Variants in PCDH15 observed in about 807,000 individuals in gnomAD.
PCDH15 encodes the protein protocadherin-15.
Under a neutral mutation model 178.5 loss-of-function variants are expected in PCDH15, and 129 were observed. That is an observed-to-expected ratio of 0.72 (90% CI 0.63 to 0.84). PCDH15 has a LOEUF of 0.84. PCDH15 is among the 40% of genes least tolerant of loss of function. PCDH15 has a pLI of 0.00. For synonymous variants in PCDH15, 800 were observed against 732.0 expected (o/e 1.09, Z -1.50); for missense variants, 2,230 against 2,099.9 (o/e 1.06, Z -1.21).
At chr10:54,351,953 T>G (rs2583031) in intron 5 of PCDH15, among the ~76,000 whole-genome samples, 17,487 of 152,146 alleles carry the variant, frequency 0.11, 1,795 homozygotes, top group African/African-American at 0.28. Flanking sequence ...TGGTATGCTG[T>G]TCACTTGGAA....
intron 3 of PCDH15, among the ~76,000 whole-genome samples, chr10:54,834,115 C>T (rs1482331124): frequency 6.6e-6 from 1 of 151,996 alleles, no homozygotes; most frequent in Non-Finnish European, 1.5e-5. Flanking sequence ...ATGCTAAATA[C>T]TGGAATGGAC....
intron 26 of PCDH15, among the ~76,000 whole-genome samples, chr10:53,872,798 T>G (rs1462730137): frequency 6.6e-6 from 1 of 152,200 alleles, no homozygotes; most frequent in African/African-American, 2.4e-5. Flanking sequence ...ATAAGGAAGC[T>G]CTAATTCCCA....
intron 3 of PCDH15, among the ~76,000 whole-genome samples, chr10:54,453,584 A>G (rs1036182414): frequency 6.6e-6 from 1 of 152,012 alleles, no homozygotes; most frequent in Non-Finnish European, 1.5e-5. Context: ...CAGCACACCA[A>G]CATGGCACAT....
intron 26 of PCDH15, among the ~76,000 whole-genome samples, chr10:53,867,760 G>A (rs1302927210): frequency 3.3e-5 from 5 of 152,088 alleles, no homozygotes; most frequent in Admixed American, 2.6e-4. Context: ...AAAATATCTC[G>A]AATGAAATAA....
chr10:55,344,114 A>T (rs1844677067), intron 2 of PCDH15, among the ~76,000 whole-genome samples: 1 of 152,128 alleles, frequency 6.6e-6, no homozygotes, highest in Non-Finnish European at 1.5e-5. Context: ...CCTTACAGGA[A>T]GAATGAGATG....
chr10:54,022,907 G>A lies in PCDH15; in HGVS notation c.2511C>T (p.Thr837=), dbSNP rs1358491828. 1.2e-6 allele frequency: 2 copies of A among 1,613,782 alleles called. No individual in the cohort carries two copies. Among genetic ancestry groups the A allele is most frequent in the South Asian group, 1.1e-5 (1 of 91,072 alleles). ...TCCCACACACCTCTATTTGAAGGAT[G>A]GTAGTCCCAGCTGGCAAATTCTCTT... ...LVEENLPAGT[T]ILQIEAKDVD... Residue 837 remains threonine, a synonymous_variant, in exon 19 of 38, where the codon ACC becomes ACT. Transcript: ENST00000644397.
At chr10:54,756,206 C>T (rs1048232273) in intron 1 of PCDH15, among the ~76,000 whole-genome samples, 3 of 151,848 alleles carry the variant, frequency 2.0e-5, no homozygotes, top group Admixed American at 1.3e-4. Context: ...GCCGAGATCA[C>T]GCCATTGCAC....
At position 54,521,034 on chromosome 10, in the gene PCDH15, G is replaced by A. The variant is rs556782559; in HGVS notation, c.157+6778C>T. On this transcript the variant is annotated intron_variant, in intron 3 of 37. Transcript: ENST00000644397. The stretch of plus-strand genomic sequence containing the variant: ...CAATGAGAACACATGGACACAGGAA[G>A]GGGAACATCACATTCTGGGGACTGT... Among the ~76,000 whole-genome samples the A allele has an allele frequency of 8.7e-4, 123 of 141,570 alleles. 1 individual carries two copies. The highest frequency in any genetic ancestry group is 3.1e-3 in the African/African-American group (118 of 37,972). 92.9% of individuals were successfully genotyped at this position (141,570 alleles called of 152,430 possible). A position where few individuals can be genotyped will look rare whatever the true frequency, so the allele number is the denominator to read the frequency against.
At chr10:54,252,802 C>T (rs191713271) in intron 8 of PCDH15, among the ~76,000 whole-genome samples, 13 of 151,468 alleles carry the variant, frequency 8.6e-5, no homozygotes, top group Admixed American at 3.3e-4. Flanking sequence ...TAACATTAGA[C>T]GGCCTTGCAG....
intron 26 of PCDH15, among the ~76,000 whole-genome samples, chr10:53,892,998 C>T (rs767792577): frequency 1.1e-4 from 16 of 151,216 alleles, no homozygotes; most frequent in Non-Finnish European, 1.9e-4. Context: ...AGAGAGTAAA[C>T]GTAAAATATA....
chr10:54,965,502 T>C (rs766730373), intron 2 of PCDH15, among the ~76,000 whole-genome samples: 4 of 152,004 alleles, frequency 2.6e-5, no homozygotes, highest in Non-Finnish European at 5.9e-5. Flanking sequence ...CATGTGAAAC[T>C]GTGAATCCAT....
chr10:54,063,693 C>T (rs144444360), intron 18 of PCDH15, among the ~76,000 whole-genome samples: 22 of 152,288 alleles, frequency 1.4e-4, no homozygotes, highest in African/African-American at 5.1e-4. Flanking sequence ...GGGCTAAATC[C>T]GACACTTTGC....
chr10:54,607,914 G>T (rs374027589), intron 2 of PCDH15: 1 of 522,592 alleles, frequency 1.9e-6, no homozygotes, highest in Non-Finnish European at 3.9e-6. Context: ...TTTTGTCTTT[G>T]AAAGTAATGT....
At chr10:54,193,580 C>G (rs1243584027) in intron 11 of PCDH15, among the ~76,000 whole-genome samples, 4 of 152,056 alleles carry the variant, frequency 2.6e-5, no homozygotes, top group African/African-American at 9.7e-5. Context: ...TAAGGTGACT[C>G]TAGGTGTTTT....
At chr10:55,090,845 A>G (rs1842299756) in intron 2 of PCDH15, among the ~76,000 whole-genome samples, 1 of 152,050 alleles carries the variant, frequency 6.6e-6, no homozygotes. Context: ...AAATTCAGAC[A>G]TTAGAATATT....
Position 54,688,980 on chromosome 10 carries a change from G to A in PCDH15, c.-28-24690C>T, listed in dbSNP as rs775442866. On this transcript the variant is annotated intron_variant, in intron 1 of 37. Coordinates refer to ENST00000644397, the MANE Select transcript of PCDH15 (RefSeq NM_001384140.1). ...CCTAAAAATTAGATAACTTAATAAA[G>A]CAACATTAGACTACCTAAAAATTCC... Among the ~76,000 whole-genome samples, 175 of 152,060 alleles carry A rather than the reference G, an allele frequency of 1.2e-3. 1 individual carries two copies. Among genetic ancestry groups the A allele is most frequent in the Non-Finnish European group, 7.9e-4 (54 of 67,934 alleles).
intron 2 of PCDH15, among the ~76,000 whole-genome samples, chr10:54,936,800 A>T (rs941041168): frequency 6.7e-6 from 1 of 149,648 alleles, no homozygotes; most frequent in Non-Finnish European, 1.5e-5. Context: ...TTTTCTGTTG[A>T]TTGCCTTTCT....
At chr10:53,949,526 A>G (rs1309656866) in intron 23 of PCDH15, among the ~76,000 whole-genome samples, 1 of 152,164 alleles carries the variant, frequency 6.6e-6, no homozygotes, top group African/African-American at 2.4e-5. Flanking sequence ...GGAAGGTTTT[A>G]TAAGAATGAT....
At chr10:54,737,744 A>C (rs1360501566) in intron 1 of PCDH15, among the ~76,000 whole-genome samples, 1 of 152,132 alleles carries the variant, frequency 6.6e-6, no homozygotes, top group Non-Finnish European at 1.5e-5. Context: ...AAATAATTAA[A>C]TATTAATTTA....
Sources: gnomAD v4.1 joint callset for allele counts (sites outside exome capture counted in the v4.1 genomes callset) on GRCh38, gnomAD v4.1.1 for gene constraint, MANE v1.5 for transcripts, NCBI Gene and HGNC (gene_info 2026-07-23, HGNC 2026-07-21) for gene names.